Variants in FHOD3 observed in about 807,000 individuals in gnomAD.
FHOD3 encodes formin homology 2 domain containing 3, also known as FH1/FH2 domain-containing protein 3.
A neutral mutation model predicts 173.0 loss-of-function variants in FHOD3; 90 were observed. The ratio of observed to expected loss-of-function variants is 0.52; its 90% confidence interval spans 0.44 to 0.62. FHOD3 has a LOEUF of 0.62. Ranked by LOEUF, FHOD3 falls within the 20% of genes least tolerant of loss-of-function variation. The pLI, the probability that FHOD3 is intolerant of heterozygous loss-of-function variation, is 0.00. For missense variants in FHOD3, 1,945 were observed against 2,034.7 expected (o/e 0.96, Z 0.85); for synonymous variants, 828 against 823.0 (o/e 1.01, Z -0.10).
chr18:36,479,215 G>A (rs187364141), intron 3 of FHOD3, among the ~76,000 whole-genome samples: 1 of 152,296 alleles, frequency 6.6e-6, no homozygotes, highest in East Asian at 1.9e-4. Context: ...GAAAATGAAA[G>A]ATTATGCCTT....
chr18:36,676,260 T>C (rs1252809988), intron 14 of FHOD3, among the ~76,000 whole-genome samples: 1 of 152,244 alleles, frequency 6.6e-6, no homozygotes, highest in Non-Finnish European at 1.5e-5. Context: ...TACATGTATT[T>C]AAACTTCATA....
intron 3 of FHOD3, among the ~76,000 whole-genome samples, chr18:36,463,921 A>G (rs1449096878): frequency 2.6e-5 from 4 of 152,096 alleles, no homozygotes; most frequent in African/African-American, 9.6e-5. Flanking sequence ...TTTTTTTCTT[A>G]TTTGGGTTGC....
chr18:36,368,303 G>A (rs188987854), intron 2 of FHOD3, among the ~76,000 whole-genome samples: 56 of 152,224 alleles, frequency 3.7e-4, no homozygotes, highest in Admixed American at 2.3e-3. Context: ...CATCTCATAC[G>A]TATGTATGAG....
chr18:36,479,534 C>T (rs1036394631), intron 3 of FHOD3, among the ~76,000 whole-genome samples: 24 of 151,986 alleles, frequency 1.6e-4, no homozygotes, highest in African/African-American at 5.8e-4. Flanking sequence ...TGCATCTGTC[C>T]TAACAGTAGC....
rs546431597 is a variant in FHOD3, at chr18:36,760,723, C to A, written c.4565C>A (p.Pro1522His). 6.2e-7 allele frequency: 1 copy of A among 1,613,184 alleles called. No homozygotes were observed. The highest frequency in any genetic ancestry group is 8.5e-7 in the Non-Finnish European group (1 of 1,180,004). Residue 1522 changes from proline to histidine, a missense_variant, in exon 27 of 29, where the codon CCC (proline) becomes CAC (histidine). Coordinates refer to ENST00000590592, the MANE Select transcript of FHOD3 (RefSeq NM_001281740.3). The part of the protein sequence containing the change: ...NMKAVLKTSS[P>H]SVEDATPALG... The stretch of plus-strand genomic sequence containing the variant: ...AAGGCTGTGCTGAAAACCTCGTCCC[C>A]CTCCGTGGAGGACGCCACCCCCGCG...
At chr18:36,670,580 T>A (rs2037467450) in intron 14 of FHOD3, among the ~76,000 whole-genome samples, 1 of 152,364 alleles carries the variant, frequency 6.6e-6, no homozygotes, top group Non-Finnish European at 1.5e-5. Flanking sequence ...TTTCTCTAGC[T>A]TCTTGAATAT....
At chr18:36,510,351 C>T (rs2055565735) in intron 4 of FHOD3, among the ~76,000 whole-genome samples, 1 of 152,136 alleles carries the variant, frequency 6.6e-6, no homozygotes, top group African/African-American at 2.4e-5. Context: ...AGCACATTGC[C>T]AATTTGGAAG....
At chr18:36,470,011 C>G (rs1467131553) in intron 3 of FHOD3, among the ~76,000 whole-genome samples, 1 of 152,108 alleles carries the variant, frequency 6.6e-6, no homozygotes, top group African/African-American at 2.4e-5. Context: ...AGAGGCTGAC[C>G]TAGAAGTTTA....
chr18:36,659,760 A>G (rs560338357), intron 14 of FHOD3, among the ~76,000 whole-genome samples: 17 of 152,306 alleles, frequency 1.1e-4, no homozygotes, highest in African/African-American at 4.1e-4. Flanking sequence ...GTGGCCCACA[A>G]GATTACCAAA....
At chr18:36,724,871 C>A (rs573151214) in intron 19 of FHOD3, among the ~76,000 whole-genome samples, 1 of 152,194 alleles carries the variant, frequency 6.6e-6, no homozygotes, top group Non-Finnish European at 1.5e-5. Context: ...GGAGCTCTGC[C>A]GTGGGCGTTC....
At chr18:36,381,253 AG>A (rs2047770783) in intron 3 of FHOD3, among the ~76,000 whole-genome samples, 1 of 152,196 alleles carries the variant, frequency 6.6e-6, no homozygotes. Context: ...ATTGTCTTAG[AG>A]GAAAGTAAGT....
chr18:36,337,434 C>T (rs1374309551), intron 1 of FHOD3, among the ~76,000 whole-genome samples: 2 of 152,148 alleles, frequency 1.3e-5, no homozygotes, highest in African/African-American at 4.8e-5. Flanking sequence ...CAAACACAAA[C>T]TGAAGATGAC....
chr18:36,425,403 G>A (rs1317875811), intron 3 of FHOD3, among the ~76,000 whole-genome samples: 2 of 152,164 alleles, frequency 1.3e-5, no homozygotes, highest in Non-Finnish European at 2.9e-5. Context: ...ATCAATGAAG[G>A]GGAGGGATGG....
chr18:36,378,596 C>A (rs1034225561), intron 3 of FHOD3, among the ~76,000 whole-genome samples: 1,831 of 110,970 alleles, frequency 0.017, no homozygotes, highest in East Asian at 0.036. Flanking sequence ...CCCTCTGCCA[C>A]AAAAAAAAAA....
In FHOD3 at chr18:36,625,620, G is replaced by A. The variant is rs762133189; in HGVS notation, c.1067G>A (p.Gly356Asp). The A allele has an allele frequency of 6.9e-6, 11 of 1,602,610 alleles. No individual in the cohort carries two copies. In the South Asian group the frequency reaches 8.9e-5, roughly 13 times the overall value. The change falls in exon 10 of 29, where the codon GGC (glycine) becomes GAC (aspartate). Residue 356 changes from glycine (G) to aspartate (D), a missense_variant. Gly to Asp is a moderately conservative substitution (Grantham distance 94). Coordinates refer to ENST00000590592, the MANE Select transcript of FHOD3 (RefSeq NM_001281740.3). ...TCCAGTGGCGGAGGCGAGCACCGGG[G>A]CCTGGACCGCAGAAGGAGCCGCAGG... ...VCSSGGGEHR[G>D]LDRRRSRRHS...
At chr18:36,722,906 T>C (rs2040861823) in intron 19 of FHOD3, among the ~76,000 whole-genome samples, 1 of 152,016 alleles carries the variant, frequency 6.6e-6, no homozygotes, top group Non-Finnish European at 1.5e-5. Context: ...CCTCCTATGC[T>C]GTATTCAAGT....
chr18:36,767,091 C>T (rs2043170907), intron 27 of FHOD3, among the ~76,000 whole-genome samples: 1 of 152,038 alleles, frequency 6.6e-6, no homozygotes, highest in African/African-American at 2.4e-5. Flanking sequence ...AATACCGTGA[C>T]CATTCTGAGA....
chr18:36,761,878 A>G (rs1327517359), intron 27 of FHOD3, among the ~76,000 whole-genome samples: 1 of 152,116 alleles, frequency 6.6e-6, no homozygotes, highest in African/African-American at 2.4e-5. Context: ...AGGGGGTGCT[A>G]GTAGTAATTA....
rs75131877 is a variant in FHOD3 at position 36,681,887 on chromosome 18, C to G, written c.1970+317C>G. Reference sequence around the variant, plus strand: ...GTGTAATTATCTTAACTTAATTTGCCATCTCTTCCTAATGGTCCTCATGTT... The same window carrying G: ...GTGTAATTATCTTAACTTAATTTGCGATCTCTTCCTAATGGTCCTCATGTT... On this transcript the variant is annotated intron_variant, in intron 15 of 28. Transcript: ENST00000590592. Among the ~76,000 whole-genome samples, 640 of 152,290 alleles carry G rather than the reference C, an allele frequency of 4.2e-3. 8 individuals carry two copies. The highest frequency in any genetic ancestry group is 0.015 in the African/African-American group (605 of 41,558).
Sources: allele counts gnomAD v4.1 joint callset (sites outside exome capture counted in the v4.1 genomes callset), GRCh38; gene constraint gnomAD v4.1.1; transcripts MANE v1.5; gene names NCBI Gene and HGNC (gene_info 2026-07-23, HGNC 2026-07-21).